Variants in SHLD2 observed in about 807,000 individuals in gnomAD.
The protein encoded by SHLD2 is RINN1-REV7-interacting novel NHEJ regulator 2.
In SHLD2, 30 loss-of-function variants were observed where a neutral mutation model predicts 73.2. That is an observed-to-expected ratio of 0.41 (90% CI 0.31 to 0.56). The LOEUF (loss-of-function observed/expected upper bound fraction) is 0.56. SHLD2 is among the 20% of genes least tolerant of loss of function. The pLI, the probability that SHLD2 is intolerant of heterozygous loss-of-function variation, is 0.28. For synonymous variants in SHLD2, 285 were observed against 370.1 expected (o/e 0.77, Z 2.64); for missense variants, 745 against 1,055.9 (o/e 0.71, Z 4.08).
intron 1 of SHLD2, among the ~76,000 whole-genome samples, chr10:87,095,491 G>A (rs1195512394): frequency 2.6e-5 from 4 of 152,190 alleles, no homozygotes; most frequent in Admixed American, 2.0e-4. Context: ...CCGGGGCCGG[G>A]CGTGCAGGGG....
At chr10:87,123,551 G>A (rs1442714502) in intron 2 of SHLD2, among the ~76,000 whole-genome samples, 6 of 152,212 alleles carry the variant, frequency 3.9e-5, no homozygotes. Flanking sequence ...GAAAGTCTCA[G>A]TTGCATTAAG....
Position 87,190,624 on chromosome 10 carries a change from T to A in SHLD2, c.2656T>A (p.Phe886Ile). 6.2e-7 allele frequency: 1 copy of A among 1,611,930 alleles called. No individual in the cohort carries two copies. Among genetic ancestry groups the A allele is most frequent in the Non-Finnish European group, 8.5e-7 (1 of 1,179,794 alleles). ...DENSYPLQQD[F>I]SLLDFYPDIV... Reference sequence around the variant, plus strand: ...AAACAGCTATCCATTACAACAAGATTTCTCCCTCCTGGATTTTTATCCTGA... The same window carrying A: ...AAACAGCTATCCATTACAACAAGATATCTCCCTCCTGGATTTTTATCCTGA... The change falls in exon 10 of 10, where the codon TTC (phenylalanine) becomes ATC (isoleucine). Residue 886 changes from phenylalanine (F) to isoleucine (I), a missense_variant. Around this residue, in one of 5 missense-constraint regions of SHLD2, gnomAD observed 418 missense variants for 567.8 expected, o/e 0.74. Coordinates refer to ENST00000298786, the MANE Select transcript of SHLD2 (RefSeq NM_001330112.2).
chr10:87,139,012 T>TATA (rs1310351318), intron 2 of SHLD2, among the ~76,000 whole-genome samples: 1 of 152,186 alleles, frequency 6.6e-6, no homozygotes, highest in Non-Finnish European at 1.5e-5. Flanking sequence ...CACAGAAATC[T>TATA]ATAGAAGTAA....
rs190852662 is a variant in SHLD2 at position 87,120,538 on chromosome 10, C to T, written c.-6+23549C>T. Among the ~76,000 whole-genome samples, 192 of 152,030 alleles carry T rather than the reference C, an allele frequency of 1.3e-3. 1 individual carries two copies. Among genetic ancestry groups the T allele is most frequent in the African/African-American group, 4.0e-3 (167 of 41,484 alleles). On this transcript the variant is annotated intron_variant, in intron 2 of 9. Transcript: ENST00000298786. ...CTGGGATTACAGGCGTGAACCACCG[C>T]GCCCGGCCGTGTTGAAGTTTTTAAT...
At chr10:87,155,196 A>G (rs1234102679) in intron 3 of SHLD2, among the ~76,000 whole-genome samples, 1 of 152,180 alleles carries the variant, frequency 6.6e-6, no homozygotes, top group Non-Finnish European at 1.5e-5. Flanking sequence ...CAGCCTCCCA[A>G]AGTGCTGGGA....
rs1564614625 is a variant in SHLD2 at position 87,180,191 on chromosome 10, A to G, written c.2287A>G (p.Ile763Val). 2 of 1,613,256 alleles carry G rather than the reference A, an allele frequency of 1.2e-6. No individual in the cohort carries two copies. Among genetic ancestry groups the G allele is most frequent in the Admixed American group, 1.7e-5 (1 of 59,980 alleles). Residue 763 changes from isoleucine to valine, a missense_variant, in exon 8 of 10, where the codon ATC (isoleucine) becomes GTC (valine). Transcript: ENST00000298786. The stretch of plus-strand genomic sequence containing the variant: ...GAGTATTTTTTCTTCTCTTCCCAAC[A>G]TCGTATATACTGGTTGTGCAAAATG... ...LKSIFSSLPN[I>V]VYTGCAKCGL... is the part of the protein sequence containing the mutation.
At chr10:87,174,767 G>C (rs1403255476) in intron 6 of SHLD2, among the ~76,000 whole-genome samples, 1 of 152,122 alleles carries the variant, frequency 6.6e-6, no homozygotes, top group Admixed American at 6.5e-5. Context: ...CAGATAAGTT[G>C]AATTTACTAA....
intron 8 of SHLD2, among the ~76,000 whole-genome samples, chr10:87,183,927 T>C (rs977223620): frequency 2.0e-5 from 3 of 152,232 alleles, no homozygotes; most frequent in African/African-American, 7.2e-5. Context: ...TTATTCTTTC[T>C]GTACATTCTG....
upstream of SHLD2, chr10:87,094,948 G>A (rs886047381): frequency 6.6e-6 from 2 of 303,218 alleles, no homozygotes; most frequent in East Asian, 6.4e-5. This position sits in a 1 kb window ranked among gnomAD's most constrained non-coding sequence, Gnocchi z 6.6. Flanking sequence ...GGACTTCGGG[G>A]ACAGGGCGCC....
intron 3 of SHLD2, chr10:87,154,258 T>G (rs1398243551): frequency 6.6e-6 from 1 of 152,158 alleles, no homozygotes; most frequent in Non-Finnish European, 1.5e-5. Flanking sequence ...GATGGCAAGC[T>G]TAGTGCAGAC....
chr10:87,128,310 T>G (rs1245236645), intron 2 of SHLD2, among the ~76,000 whole-genome samples: 2 of 152,240 alleles, frequency 1.3e-5, no homozygotes, highest in Non-Finnish European at 2.9e-5. Flanking sequence ...TGTGACTAAC[T>G]CAAACTAAAC....
chr10:87,102,577 T>C (rs574287378), intron 2 of SHLD2, among the ~76,000 whole-genome samples: 1 of 151,926 alleles, frequency 6.6e-6, no homozygotes, highest in Admixed American at 6.6e-5. Flanking sequence ...GGTGCAGTGG[T>C]GCGTGCCTGT....
At chr10:87,149,242 A>G (rs997754003) in intron 2 of SHLD2, among the ~76,000 whole-genome samples, 1 of 151,816 alleles carries the variant, frequency 6.6e-6, no homozygotes, top group Admixed American at 6.6e-5. Context: ...TTGATATATT[A>G]ATGTATTTTG....
intron 9 of SHLD2, among the ~76,000 whole-genome samples, chr10:87,188,328 C>G (rs1313993542): frequency 6.6e-6 from 1 of 152,148 alleles, no homozygotes; most frequent in African/African-American, 2.4e-5. Flanking sequence ...TTTTTCAGTC[C>G]TCCCCCAGGA....
intron 3 of SHLD2, among the ~76,000 whole-genome samples, chr10:87,155,050 T>C (rs571044629): frequency 6.6e-6 from 1 of 152,286 alleles, no homozygotes; most frequent in Non-Finnish European, 1.5e-5. Context: ...TTTTCCTGCC[T>C]CAGCCTCCTG....
intron 1 of SHLD2, among the ~76,000 whole-genome samples, chr10:87,096,211 A>G (rs1244437300): frequency 6.6e-6 from 1 of 151,700 alleles, no homozygotes; most frequent in Non-Finnish European, 1.5e-5. Context: ...CGCCCGGCTA[A>G]TTTTTGCATT....
chr10:87,094,620 C>G (rs746606279), upstream of SHLD2: 452 of 1,610,026 alleles, frequency 2.8e-4, no homozygotes, highest in Non-Finnish European at 3.7e-4. The surrounding 1 kb of genome is among the most constrained non-coding windows in gnomAD (Gnocchi z 6.6). Context: ...TGTAGTGGCG[C>G]CGGGCGGCCA....
At chr10:87,174,691 T>C (rs1460567146) in intron 6 of SHLD2, among the ~76,000 whole-genome samples, 1 of 152,182 alleles carries the variant, frequency 6.6e-6, no homozygotes, top group Non-Finnish European at 1.5e-5. Context: ...AAATTAGTGC[T>C]AAGAAACCCT....
intron 2 of SHLD2, among the ~76,000 whole-genome samples, chr10:87,127,065 T>A (rs12218719): frequency 0.11 from 16,529 of 152,120 alleles, 1,167 homozygotes; most frequent in Middle Eastern, 0.23. Context: ...CAGTTACATT[T>A]ATTCCTTTCC....
Sources: allele counts gnomAD v4.1 joint callset (sites outside exome capture counted in the v4.1 genomes callset), GRCh38; gene constraint gnomAD v4.1.1; regional missense constraint gnomAD v4.1.1; non-coding constraint Gnocchi (gnomAD v3.1); transcripts MANE v1.5; gene names NCBI Gene and HGNC (gene_info 2026-07-23, HGNC 2026-07-21).